RAB3C: variants seen among roughly 807,000 people sequenced by gnomAD.
The protein encoded by RAB3C is ras-related protein Rab-3C.
Under a neutral mutation model 26.4 loss-of-function variants are expected in RAB3C, and 17 were observed. The ratio of observed to expected loss-of-function variants is 0.64; its 90% CI spans 0.44 to 0.97. The LOEUF (loss-of-function observed/expected upper bound fraction) is 0.97, where lower values mean the gene tolerates loss of function less well. Among genes scored for constraint, RAB3C ranks in the 50% least tolerant of loss-of-function variants. The pLI, the probability that RAB3C is intolerant of heterozygous loss-of-function variation, is 0.00. For missense variants in RAB3C, 242 were observed against 281.9 expected, an observed-to-expected ratio of 0.86 and a Z score of 1.01; for synonymous variants, 91 against 95.9, an observed-to-expected ratio of 0.95 and a Z score of 0.30.
rs776921312 is a variant in RAB3C at position 58,825,247 on chromosome 5, G to A, written c.496+85G>A. On this transcript the variant is annotated intron_variant, in intron 4 of 4. Transcript: ENST00000282878. ...TACAGAGTCCGAGCTAATTGTCAGGGTGGAGTTAATGAAATGTTTGTCAAT... is the reference window on the plus strand; with the variant it reads ...TACAGAGTCCGAGCTAATTGTCAGGATGGAGTTAATGAAATGTTTGTCAAT... 1.4e-5 allele frequency: 19 copies of A among 1,320,960 alleles called. No individual in the cohort carries two copies. In the South Asian group the frequency reaches 1.5e-4, roughly 10 times the overall value. The allele number at this position is 1,320,960 out of a possible 1,614,324, so 81.8% of individuals were successfully genotyped here.
intron 2 of RAB3C, among the ~76,000 whole-genome samples, chr5:58,665,376 T>A (rs1477516993): frequency 1.3e-5 from 2 of 152,128 alleles, no homozygotes; most frequent in African/African-American, 4.8e-5. Context: ...CTAAGAAAAA[T>A]GTTTTGCGTG....
At chr5:58,730,201 A>G (rs1026861933) in intron 3 of RAB3C, among the ~76,000 whole-genome samples, 3 of 151,358 alleles carry the variant, frequency 2.0e-5, no homozygotes, top group Non-Finnish European at 4.4e-5. Flanking sequence ...GGGAAAGACT[A>G]TCTTATTTAT....
At chr5:58,617,447 A>G (rs1746846756) in intron 1 of RAB3C, 196 bp from the exon 2 acceptor site, 2 of 761,032 alleles carry the variant, frequency 2.6e-6, no homozygotes, top group African/African-American at 1.7e-5. Flanking sequence ...AAGATTTGCT[A>G]TTCTGTCTTC....
chr5:58,758,093 C>G (rs1262214589), intron 3 of RAB3C, among the ~76,000 whole-genome samples: 1 of 152,142 alleles, frequency 6.6e-6, no homozygotes. Context: ...AGGTGCCCAC[C>G]ACCACGCCCG....
At chr5:58,602,653 A>C (rs986197635) in intron 1 of RAB3C, among the ~76,000 whole-genome samples, 1 of 116,746 alleles carries the variant, frequency 8.6e-6, no homozygotes, top group East Asian at 2.3e-4. Context: ...CTGATATACA[A>C]ATAGCTATCC....
chr5:58,627,654 C>T (rs1009926743), intron 2 of RAB3C, among the ~76,000 whole-genome samples: 2 of 152,004 alleles, frequency 1.3e-5, no homozygotes, highest in African/African-American at 4.8e-5. Context: ...TCTTCTTTTT[C>T]CTTGTGCTTT....
intron 2 of RAB3C, among the ~76,000 whole-genome samples, chr5:58,719,973 A>T (rs1740707812): frequency 6.6e-6 from 1 of 151,888 alleles, no homozygotes; most frequent in Non-Finnish European, 1.5e-5. Context: ...TTACATCTGC[A>T]ATGACCCTTT....
intron 3 of RAB3C, among the ~76,000 whole-genome samples, chr5:58,767,550 G>C (rs1741933240): frequency 6.6e-6 from 1 of 152,148 alleles, no homozygotes; most frequent in Non-Finnish European, 1.5e-5. Flanking sequence ...AGAAAAAGAG[G>C]CTGCAGAGGT....
At chr5:58,712,461 GA>G (rs1234073709) in intron 2 of RAB3C, among the ~76,000 whole-genome samples, 1 of 152,046 alleles carries the variant, frequency 6.6e-6, no homozygotes, top group African/African-American at 2.4e-5. Flanking sequence ...AATTGTTTGG[GA>G]TAAGTTAATA....
chr5:58,732,099 G>GT (rs5868127), intron 3 of RAB3C, among the ~76,000 whole-genome samples: 57 of 145,144 alleles, frequency 3.9e-4, no homozygotes, highest in Admixed American at 6.8e-4. Context: ...TTTCTGTTTT[G>GT]TTTTTTTTTT....
intron 3 of RAB3C, among the ~76,000 whole-genome samples, chr5:58,738,144 C>T (rs1311253089): frequency 6.6e-6 from 1 of 152,150 alleles, no homozygotes; most frequent in East Asian, 1.9e-4. Flanking sequence ...GTTTCTCTTA[C>T]TGTTTTAGTT....
chr5:58,814,054 C>T (rs1464269459), intron 3 of RAB3C, among the ~76,000 whole-genome samples: 1 of 152,164 alleles, frequency 6.6e-6, no homozygotes, highest in East Asian at 1.9e-4. Context: ...CGCAATCTTT[C>T]CTGACAGTGG....
chr5:58,650,666 G>T (rs1259675028), intron 2 of RAB3C, among the ~76,000 whole-genome samples: 1 of 152,068 alleles, frequency 6.6e-6, no homozygotes, highest in Non-Finnish European at 1.5e-5. Flanking sequence ...AACTACTCCT[G>T]TATAAATACA....
At chr5:58,816,509 A>C (rs1038498874) in intron 3 of RAB3C, among the ~76,000 whole-genome samples, 4 of 152,168 alleles carry the variant, frequency 2.6e-5, no homozygotes, top group African/African-American at 9.7e-5. Context: ...GAAAGCTGTA[A>C]AGCAAAGAGA....
intron 4 of RAB3C, among the ~76,000 whole-genome samples, chr5:58,836,655 C>A (rs528828942): frequency 7.7e-6 from 1 of 129,474 alleles, no homozygotes; most frequent in Non-Finnish European, 1.7e-5. Context: ...CTGTTCCTGG[C>A]TTTTTTCACT....
At chr5:58,660,295 T>C (rs762033020) in intron 2 of RAB3C, among the ~76,000 whole-genome samples, 23 of 150,210 alleles carry the variant, frequency 1.5e-4, no homozygotes, top group Non-Finnish European at 2.5e-4. Context: ...ATTTCTTGCC[T>C]GGGATTTGAA....
At chr5:58,849,733 A>G (rs1204297797) in intron 4 of RAB3C, among the ~76,000 whole-genome samples, 2 of 152,244 alleles carry the variant, frequency 1.3e-5, no homozygotes, top group Non-Finnish European at 2.9e-5. Context: ...ATTCAAGCTC[A>G]GATGTAGTCA....
At chr5:58,684,995 A>G (rs1364522919) in intron 2 of RAB3C, among the ~76,000 whole-genome samples, 1 of 152,198 alleles carries the variant, frequency 6.6e-6, no homozygotes, top group Non-Finnish European at 1.5e-5. Context: ...TACTGATAAT[A>G]TGTTACTGAA....
intron 3 of RAB3C, among the ~76,000 whole-genome samples, chr5:58,774,485 G>A (rs560761331): frequency 1.3e-5 from 2 of 152,132 alleles, no homozygotes; most frequent in African/African-American, 4.8e-5. Context: ...GCCAGGCACT[G>A]TTTCTAGCAC....
Sources: allele counts gnomAD v4.1 joint callset (sites outside exome capture counted in the v4.1 genomes callset), GRCh38; gene constraint gnomAD v4.1.1; transcripts MANE v1.5; gene names NCBI Gene and HGNC (gene_info 2026-07-23, HGNC 2026-07-21).